Variants in TSPAN15 observed in about 807,000 individuals in gnomAD.
TSPAN15 encodes tetraspanin-15.
TSPAN15 carries 20 observed loss-of-function variants against 34.5 expected under a neutral mutation model. The observed-to-expected ratio is 0.58, with a 90% CI of 0.41 to 0.84. The LOEUF (loss-of-function observed/expected upper bound fraction) is 0.84. TSPAN15 is among the 40% of genes least tolerant of loss of function. The probability of loss-of-function intolerance (pLI) is 0.00; values close to 1 mark genes in which losing one functional copy is unlikely to be tolerated. For missense variants in TSPAN15, 313 were observed against 386.1 expected, an observed-to-expected ratio of 0.81 and a Z score of 1.59; for synonymous variants, 155 against 153.9, an observed-to-expected ratio of 1.01 and a Z score of -0.05.
chr10:69,462,101 C>T (rs1841275685), intron 1 of TSPAN15, among the ~76,000 whole-genome samples: 1 of 151,606 alleles, frequency 6.6e-6, no homozygotes, highest in Admixed American at 6.6e-5. Context: ...CCACCTCAGC[C>T]TCCTGAGTAG....
the TSPAN15 span, among the ~76,000 whole-genome samples, chr10:69,548,580 A>T: frequency 6.6e-6 from 1 of 152,226 alleles, no homozygotes; most frequent in African/African-American, 2.4e-5. Context: ...TGATGCAGGG[A>T]TGGGGAACCC....
intron 1 of TSPAN15, among the ~76,000 whole-genome samples, chr10:69,472,625 C>T (rs1841530989): frequency 6.6e-6 from 1 of 152,180 alleles, no homozygotes; most frequent in Non-Finnish European, 1.5e-5. Flanking sequence ...TAACCCTGGA[C>T]CAAAGAGGGT....
chr10:69,512,502 C>T (rs1842425098), downstream of TSPAN15, among the ~76,000 whole-genome samples: 1 of 152,128 alleles, frequency 6.6e-6, no homozygotes, highest in Non-Finnish European at 1.5e-5. Context: ...GTCAGTGAAA[C>T]CATCACTACA....
the TSPAN15 span, among the ~76,000 whole-genome samples, chr10:69,516,870 T>C: frequency 6.6e-6 from 1 of 152,156 alleles, no homozygotes; most frequent in African/African-American, 2.4e-5. Flanking sequence ...GCCTGGGACA[T>C]AAGGGGTGCT....
the TSPAN15 span, among the ~76,000 whole-genome samples, chr10:69,525,477 ATCTCTT>A: frequency 9.3e-6 from 1 of 108,092 alleles, no homozygotes. Context: ...CAAGAACCTC[ATCTCTT>A]AAAAAAAAAA....
At chr10:69,458,055 G>A (rs1195101456) in intron 1 of TSPAN15, among the ~76,000 whole-genome samples, 1 of 152,320 alleles carries the variant, frequency 6.6e-6, no homozygotes, top group East Asian at 1.9e-4. Context: ...GTCAGTGACA[G>A]GCCAAGACCA....
the TSPAN15 span, among the ~76,000 whole-genome samples, chr10:69,545,999 AC>A: frequency 1.5e-4 from 22 of 149,468 alleles, no homozygotes; most frequent in Non-Finnish European, 2.5e-4. Context: ...AAACAAACAA[AC>A]AAAAAAACCA....
chr10:69,454,766 G>A (rs188992009), intron 1 of TSPAN15, among the ~76,000 whole-genome samples: 1 of 152,276 alleles, frequency 6.6e-6, no homozygotes, highest in African/African-American at 2.4e-5. Flanking sequence ...GAAGTGAGTT[G>A]AGATTGTGCC....
chr10:69,466,014 C>T (rs544504139), intron 1 of TSPAN15, among the ~76,000 whole-genome samples: 35 of 152,306 alleles, frequency 2.3e-4, no homozygotes, highest in Middle Eastern at 3.4e-3. Flanking sequence ...GGAGGTGGGC[C>T]GGTTGCCACC....
chr10:69,535,301 A>G, the TSPAN15 span, among the ~76,000 whole-genome samples: 1 of 152,220 alleles, frequency 6.6e-6, no homozygotes, highest in African/African-American at 2.4e-5. Context: ...AAAAGGACCC[A>G]GGAGTCAACT....
chr10:69,472,811 G>T (rs1841534471), intron 1 of TSPAN15, among the ~76,000 whole-genome samples: 1 of 152,234 alleles, frequency 6.6e-6, no homozygotes, highest in Non-Finnish European at 1.5e-5. Context: ...TTGTGAACTG[G>T]CTTGGGCCCT....
In TSPAN15 at chr10:69,498,352, C is replaced by A. The variant is rs376917477; in HGVS notation, c.526C>A (p.Pro176Thr). 6.8e-6 allele frequency: 11 copies of A among 1,613,864 alleles called. No homozygotes were observed. Among genetic ancestry groups the A allele is most frequent in the African/African-American group, 1.3e-5 (1 of 74,888 alleles). ...NQYHDCSAPG[P>T]LACGVPYTCC... ...GTACCACGACTGCAGTGCCCCTGGACCCCTGGCCTGTGGGGTGCCCTACAC... is the reference window on the plus strand; with the variant it reads ...GTACCACGACTGCAGTGCCCCTGGAACCCTGGCCTGTGGGGTGCCCTACAC... Residue 176 changes from proline to threonine, a missense_variant, in exon 5 of 8, where the codon CCC becomes ACC. Physicochemically the swap from Pro to Thr is conservative, Grantham distance 38 (BLOSUM62 -1). Coordinates refer to ENST00000373290, the MANE Select transcript of TSPAN15 (RefSeq NM_012339.5).
At chr10:69,485,035 G>T in intron 2 of TSPAN15, 106 bp from the exon 3 acceptor site, 1 of 1,100,782 alleles carries the variant, frequency 9.1e-7, no homozygotes, top group South Asian at 1.3e-5. Context: ...AGCTCCCCGA[G>T]GGATGCTTCT....
intron 1 of TSPAN15, among the ~76,000 whole-genome samples, chr10:69,461,000 G>C (rs1003188378): frequency 6.6e-6 from 1 of 152,142 alleles, no homozygotes; most frequent in African/African-American, 2.4e-5. Flanking sequence ...GCTGGGAGGG[G>C]ATAACTGTTG....
chr10:69,495,842 TG>T (rs972105568), intron 4 of TSPAN15, among the ~76,000 whole-genome samples, 153 bp downstream of exon 4: 9 of 152,136 alleles, frequency 5.9e-5, no homozygotes, highest in African/African-American at 2.2e-4. Context: ...TGAGCATGGA[TG>T]GCCCACCAAG....
intron 5 of TSPAN15, among the ~76,000 whole-genome samples, chr10:69,500,778 G>A (rs1842188981): frequency 6.6e-6 from 1 of 152,126 alleles, no homozygotes; most frequent in Non-Finnish European, 1.5e-5. Context: ...AGACACCCAG[G>A]ATAATGTCTG....
chr10:69,508,057 G>C (rs1842373496), downstream of TSPAN15, among the ~76,000 whole-genome samples: 1 of 152,114 alleles, frequency 6.6e-6, no homozygotes, highest in South Asian at 2.1e-4. Flanking sequence ...GAGATGCCGG[G>C]ACTTGCGTGC....
the TSPAN15 span, among the ~76,000 whole-genome samples, chr10:69,524,716 CA>C: frequency 1.2e-4 from 17 of 139,474 alleles, 1 homozygote; most frequent in Admixed American, 1.1e-3. Flanking sequence ...ATTCAGTAGA[CA>C]AAAAAAATAG....
intron 3 of TSPAN15, chr10:69,495,226 C>A: frequency 5.1e-6 from 1 of 196,158 alleles, no homozygotes. Flanking sequence ...AGAAAGAGCA[C>A]TGGGCCTGGA....
Sources: gnomAD v4.1 joint callset for allele counts (sites outside exome capture counted in the v4.1 genomes callset) on GRCh38, gnomAD v4.1.1 for gene constraint, MANE v1.5 for transcripts, NCBI Gene and HGNC (gene_info 2026-07-23, HGNC 2026-07-21) for gene names.